The following ASH1L variants were observed in gnomAD, a reference collection of about 807,000 sequenced individuals.
ASH1L encodes histone-lysine N-methyltransferase ASH1L.
A neutral mutation model predicts 269.0 loss-of-function variants in ASH1L; 23 were observed. The ratio of observed to expected loss-of-function variants is 0.09; its 90% CI spans 0.06 to 0.12. The LOEUF is 0.12. Ranked by LOEUF, ASH1L falls within the 10% of genes least tolerant of loss-of-function variation. ASH1L has a pLI of 1.00. For synonymous variants in ASH1L, 1,187 were observed against 1,253.5 expected (o/e 0.95, Z 1.12); for missense variants, 2,912 against 3,567.8 (o/e 0.82, Z 4.68).
At position 155,343,127 on chromosome 1, in the gene ASH1L, G is replaced by T; in HGVS notation, c.8293+187C>A. 1 of 568,136 alleles carries T rather than the reference G, an allele frequency of 1.8e-6. No homozygotes were observed. Among genetic ancestry groups the T allele is most frequent in the Non-Finnish European group, 3.0e-6 (1 of 329,454 alleles). The allele number at this position is 568,136 out of a possible 1,614,324, so 35.2% of individuals were successfully genotyped here. ...CCCAGGCTCAGCAATCCTCCCAGTA[G>T]TTGGGACTACAGGCCTACACTGCCA... On this transcript the variant is annotated intron_variant, in intron 24 of 27. Transcript: ENST00000392403. The surrounding 1 kb of genome is among the most constrained non-coding windows in gnomAD (Gnocchi z 6.1).
intron 5 of ASH1L, among the ~76,000 whole-genome samples, chr1:155,420,840 G>T (rs545249141): frequency 2.5e-5 from 2 of 80,270 alleles, no homozygotes; most frequent in Non-Finnish European, 5.7e-5. Context: ...ACAGAGCAAG[G>T]CTCCATTAAA....
Position 155,431,219 on chromosome 1 carries a change from T to A in ASH1L, c.5828+7108A>T, listed in dbSNP as rs12025843. Among the ~76,000 whole-genome samples, 9,239 of 149,782 alleles carry A rather than the reference T, an allele frequency of 0.062. 1,563 individuals are homozygous for A. In the East Asian group the frequency reaches 0.68, roughly 11 times the overall value. On this transcript the variant is annotated intron_variant, in intron 5 of 27. Coordinates refer to ENST00000392403, the MANE Select transcript of ASH1L (RefSeq NM_018489.3). ...GATGCCGTCTCAACAACAACAAAAA[T>A]ATATATATATATAATATTTACATAT... is the stretch of plus-strand genomic sequence containing the variant.
intron 2 of ASH1L, among the ~76,000 whole-genome samples, chr1:155,507,231 G>A (rs2148810116): frequency 6.7e-6 from 1 of 149,080 alleles, no homozygotes; most frequent in East Asian, 2.0e-4. Context: ...GGTGTGCCGA[G>A]ATCGCGCCAT....
At chr1:155,463,472 A>G (rs1429678481) in intron 3 of ASH1L, among the ~76,000 whole-genome samples, 1 of 152,196 alleles carries the variant, frequency 6.6e-6, no homozygotes, top group African/African-American at 2.4e-5. Flanking sequence ...ACTACTATAT[A>G]TTAATTGAGT....
At chr1:155,549,335 T>G (rs1437230946) in intron 1 of ASH1L, among the ~76,000 whole-genome samples, 1 of 152,032 alleles carries the variant, frequency 6.6e-6, no homozygotes, top group Non-Finnish European at 1.5e-5. Context: ...AGAGAGACCC[T>G]GTCTCAAAAA....
intron 5 of ASH1L, 83 bp from the exon 6 acceptor site, chr1:155,416,006 A>C: frequency 8.7e-7 from 1 of 1,147,692 alleles, no homozygotes; most frequent in Non-Finnish European, 1.2e-6. Context: ...AAAAAAAACC[A>C]TAGCAATTAA....
At chr1:155,555,636 G>A (rs762721228) in intron 1 of ASH1L, among the ~76,000 whole-genome samples, 2 of 151,920 alleles carry the variant, frequency 1.3e-5, no homozygotes, top group Admixed American at 6.6e-5. Flanking sequence ...TTTGAAAAAA[G>A]CTGATAAGCT....
intron 10 of ASH1L, among the ~76,000 whole-genome samples, chr1:155,375,001 G>A (rs1021034497): frequency 6.6e-6 from 1 of 151,756 alleles, no homozygotes; most frequent in Non-Finnish European, 1.5e-5. Context: ...TTTTGTAGAG[G>A]TGGGGTTTTG....
intron 1 of ASH1L, among the ~76,000 whole-genome samples, chr1:155,526,687 A>T (rs1445592047): frequency 6.6e-6 from 1 of 152,198 alleles, no homozygotes; most frequent in Non-Finnish European, 1.5e-5. Flanking sequence ...TAACAAACAG[A>T]AAAGTGCCAC....
chr1:155,473,410 G>A (rs1253473109), intron 3 of ASH1L, among the ~76,000 whole-genome samples: 1 of 152,100 alleles, frequency 6.6e-6, no homozygotes, highest in East Asian at 1.9e-4. Context: ...CAGTTGAGCA[G>A]CTTCAACCCT....
intron 7 of ASH1L, among the ~76,000 whole-genome samples, chr1:155,380,972 T>C (rs1359995243): frequency 6.6e-6 from 1 of 152,062 alleles, no homozygotes; most frequent in Non-Finnish European, 1.5e-5. Context: ...TATAGTCATG[T>C]GCCAATGTTT....
chr1:155,490,654 A>ACTCTCT (rs1218582438), intron 2 of ASH1L, among the ~76,000 whole-genome samples: 1 of 148,252 alleles, frequency 6.7e-6, no homozygotes, highest in African/African-American at 2.5e-5. Context: ...ATACACACAC[A>ACTCTCT]CTCTCTCTCT....
intron 4 of ASH1L, among the ~76,000 whole-genome samples, chr1:155,452,128 T>C (rs1663526189): frequency 6.7e-6 from 1 of 149,958 alleles, no homozygotes; most frequent in Admixed American, 6.7e-5. Flanking sequence ...AACCTCCACC[T>C]CCTGGGTTCA....
chr1:155,485,100 C>CA (rs1666246470), intron 2 of ASH1L, among the ~76,000 whole-genome samples: 4 of 151,034 alleles, frequency 2.6e-5, no homozygotes, highest in Admixed American at 2.6e-4. Flanking sequence ...GGTAAAAATA[C>CA]AAAAAATTAG....
intron 5 of ASH1L, among the ~76,000 whole-genome samples, chr1:155,423,605 C>T (rs35619876): frequency 1.3e-5 from 2 of 152,066 alleles, no homozygotes; most frequent in South Asian, 2.1e-4. Context: ...AAAAAAACCC[C>T]TGCATTTTCA....
At position 155,438,579 on chromosome 1, in the gene ASH1L, T is replaced by C. The variant is rs1662286516; in HGVS notation, c.5576A>G (p.Gln1859Arg). The C allele has an allele frequency of 1.2e-6, 2 of 1,614,168 alleles. No individual in the cohort carries two copies. Among genetic ancestry groups the C allele is most frequent in the Non-Finnish European group, 8.5e-7 (1 of 1,180,018 alleles). ...GAATGCTTGCATTGATACGACAGCC[T>C]GAAGGGGACATTTCCGAGGTCGACC... Reference protein sequence around the residue: ...RPGRPRKCPLQAVVSMQAFQA... With the variant: ...RPGRPRKCPLRAVVSMQAFQA... The change falls in exon 5 of 28, where the codon CAG becomes CGG. Residue 1859 changes from glutamine (Q) to arginine (R), a missense_variant. Coordinates refer to ENST00000392403, the MANE Select transcript of ASH1L (RefSeq NM_018489.3).
At chr1:155,372,695 C>T (rs1656075017) in intron 10 of ASH1L, among the ~76,000 whole-genome samples, 1 of 151,678 alleles carries the variant, frequency 6.6e-6, no homozygotes, top group African/African-American at 2.4e-5. Flanking sequence ...ACTGTAGCCT[C>T]GAACTCCTTG....
chr1:155,531,989 T>C (rs960008619), intron 1 of ASH1L, among the ~76,000 whole-genome samples: 31 of 152,330 alleles, frequency 2.0e-4, no homozygotes, highest in African/African-American at 7.2e-4. Flanking sequence ...CTAAACAATC[T>C]AGGTTTTCCA....
chr1:155,349,305 G>C (rs1259861467), intron 19 of ASH1L, 22 bp downstream of exon 19: 1 of 1,603,922 alleles, frequency 6.2e-7, no homozygotes, highest in Non-Finnish European at 8.5e-7. Context: ...TGTGAAATCT[G>C]TTTGAAGTCA....
Sources: allele counts gnomAD v4.1 joint callset (sites outside exome capture counted in the v4.1 genomes callset), GRCh38; gene constraint gnomAD v4.1.1; non-coding constraint Gnocchi (gnomAD v3.1); transcripts MANE v1.5; gene names NCBI Gene and HGNC (gene_info 2026-07-23, HGNC 2026-07-21).